The following MIS18A variants were observed in gnomAD, a reference collection of about 807,000 sequenced individuals.
The protein encoded by MIS18A is protein Mis18-alpha.
Under a neutral mutation model 25.0 loss-of-function variants are expected in MIS18A, and 14 were observed. That is an observed-to-expected ratio of 0.56 (90% CI 0.37 to 0.88). The LOEUF is 0.88. Ranked by LOEUF, MIS18A falls within the 40% of genes least tolerant of loss-of-function variation. The probability of loss-of-function intolerance (pLI) is 0.00; values close to 1 mark genes in which losing one functional copy is unlikely to be tolerated. For synonymous variants in MIS18A, 134 were observed against 118.6 expected, an observed-to-expected ratio of 1.13 and a Z score of -0.84; for missense variants, 292 against 290.8, an observed-to-expected ratio of 1.00 and a Z score of -0.03.
the MIS18A span, among the ~76,000 whole-genome samples, chr21:32,228,329 C>T: frequency 4.6e-5 from 7 of 152,208 alleles, no homozygotes; most frequent in Admixed American, 6.5e-5. Context: ...CCTAGTGATC[C>T]GCCCACCTCG....
At chr21:32,211,157 C>T in the MIS18A span, among the ~76,000 whole-genome samples, 1 of 152,186 alleles carries the variant, frequency 6.6e-6, no homozygotes, top group Non-Finnish European at 1.5e-5. Context: ...TCTCCTGTCT[C>T]AGCCTCCCAT....
chr21:32,270,206 T>G (rs986556429), intron 3 of MIS18A, among the ~76,000 whole-genome samples: 1 of 151,642 alleles, frequency 6.6e-6, no homozygotes, highest in South Asian at 2.1e-4. Context: ...CAGTGTTTTC[T>G]CCTACAATTT....
At chr21:32,167,983 C>T in the MIS18A span, among the ~76,000 whole-genome samples, 2 of 152,172 alleles carry the variant, frequency 1.3e-5, no homozygotes, top group Admixed American at 1.3e-4. Context: ...AGCCCTAGTT[C>T]CCAATGAATG....
At chr21:32,246,091 A>T in the MIS18A span, among the ~76,000 whole-genome samples, 1 of 152,148 alleles carries the variant, frequency 6.6e-6, no homozygotes, top group Non-Finnish European at 1.5e-5. Flanking sequence ...CAGATCTCAC[A>T]AACGGACTCG....
the MIS18A span, chr21:32,261,280 A>C: frequency 6.6e-6 from 1 of 152,238 alleles, no homozygotes. Context: ...TCAGACAGAC[A>C]GTAACACTTT....
downstream of MIS18A, among the ~76,000 whole-genome samples, chr21:32,265,595 G>T (rs555429720): frequency 1.6e-4 from 24 of 152,216 alleles, no homozygotes; most frequent in Admixed American, 1.6e-3. Context: ...CCTGCAGCCC[G>T]CCATGCCTGA....
the MIS18A span, among the ~76,000 whole-genome samples, chr21:32,196,295 AT>A: frequency 6.6e-6 from 1 of 152,092 alleles, no homozygotes; most frequent in East Asian, 1.9e-4. Context: ...AAGCTGAGAC[AT>A]TTGGTCCTCT....
At chr21:32,168,163 C>T in the MIS18A span, among the ~76,000 whole-genome samples, 1 of 152,106 alleles carries the variant, frequency 6.6e-6, no homozygotes, top group Admixed American at 6.5e-5. Context: ...CATCTGCAAG[C>T]GAAAAAGAGG....
the MIS18A span, among the ~76,000 whole-genome samples, chr21:32,178,306 C>A: frequency 6.6e-6 from 1 of 152,158 alleles, no homozygotes; most frequent in Non-Finnish European, 1.5e-5. Context: ...AAAGCCAAGA[C>A]ATTTTCATAG....
At chr21:32,175,694 C>A in the MIS18A span, among the ~76,000 whole-genome samples, 1 of 149,986 alleles carries the variant, frequency 6.7e-6, no homozygotes, top group African/African-American at 2.5e-5. Flanking sequence ...GTAATCCCAG[C>A]TACTACTTAG....
the MIS18A span, chr21:32,260,469 G>T: frequency 6.5e-6 from 1 of 153,096 alleles, no homozygotes. Context: ...CCAGGGACCC[G>T]GGGAGACAAT....
chr21:32,263,545 G>A (rs1490607652), downstream of MIS18A, among the ~76,000 whole-genome samples: 1 of 152,218 alleles, frequency 6.6e-6, no homozygotes, highest in African/African-American at 2.4e-5. Flanking sequence ...AGGTTGCAGT[G>A]AGCCCAGATC....
At chr21:32,261,487 G>A in the MIS18A span, 1 of 152,228 alleles carries the variant, frequency 6.6e-6, no homozygotes, top group Non-Finnish European at 1.5e-5. Flanking sequence ...TCAAGATAAA[G>A]AATCAATAGA....
At position 32,269,773 on chromosome 21, in the gene MIS18A, A is replaced by G. The variant is rs1246921220; in HGVS notation, c.555T>C (p.Ile185=). Residue 185 remains isoleucine, a synonymous_variant, in exon 4 of 5, where the codon ATT becomes ATC. Transcript: ENST00000290130. Reference sequence around the variant, plus strand: ...TAAAAAGCTCTTTATCTTCTGACACAATTTGCTTTTCAGAGGACCCTAAAA... The same window carrying G: ...TAAAAAGCTCTTTATCTTCTGACACGATTTGCTTTTCAGAGGACCCTAAAA... The part of the protein sequence containing the change: ...SYVLGSSEKQ[I]VSEDKELFNL... 12 of 1,611,934 alleles carry G rather than the reference A, an allele frequency of 7.4e-6. No individual in the cohort carries two copies. Among genetic ancestry groups the G allele is most frequent in the Non-Finnish European group, 9.3e-6 (11 of 1,178,088 alleles).
At chr21:32,214,752 G>A in the MIS18A span, among the ~76,000 whole-genome samples, 1 of 152,220 alleles carries the variant, frequency 6.6e-6, no homozygotes, top group Admixed American at 6.5e-5. Flanking sequence ...AGCACAAGGA[G>A]CTCTGGGCTG....
At chr21:32,174,840 T>C in the MIS18A span, among the ~76,000 whole-genome samples, 1 of 152,154 alleles carries the variant, frequency 6.6e-6, no homozygotes, top group African/African-American at 2.4e-5. Flanking sequence ...CAAGGACACA[T>C]AAGATATTTA....
the MIS18A span, among the ~76,000 whole-genome samples, chr21:32,193,515 GATA>G: frequency 1.9e-5 from 2 of 107,220 alleles, no homozygotes; most frequent in African/African-American, 3.3e-5. Context: ...TAGATAGATA[GATA>G]GATGGATAGA....
At chr21:32,265,408 T>C (rs1020883772), downstream of MIS18A, among the ~76,000 whole-genome samples, 6 of 152,152 alleles carry the variant, frequency 3.9e-5, no homozygotes, top group Non-Finnish European at 5.9e-5. Flanking sequence ...GTGGGCTTAG[T>C]GGGCCCCGCA....
chr21:32,194,032 A>G, the MIS18A span, among the ~76,000 whole-genome samples: 63,081 of 151,750 alleles, frequency 0.42, 14,562 homozygotes, highest in African/African-American at 0.63. Flanking sequence ...CAAGTGGGAA[A>G]CCCCCAGCTG....
Sources: gnomAD v4.1 joint callset for allele counts (sites outside exome capture counted in the v4.1 genomes callset) on GRCh38, gnomAD v4.1.1 for gene constraint, MANE v1.5 for transcripts, NCBI Gene and HGNC (gene_info 2026-07-23, HGNC 2026-07-21) for gene names.